The following KLHL4 variants were observed in gnomAD, a reference collection of about 807,000 sequenced individuals.
The protein encoded by KLHL4 is kelch like family member 4, also known as kelch-like protein 4.
A neutral mutation model predicts 45.8 loss-of-function variants in KLHL4; 17 were observed. The ratio of observed to expected loss-of-function variants is 0.37; its 90% CI spans 0.25 to 0.56. The LOEUF is 0.56. Ranked by LOEUF, KLHL4 falls within the 20% of genes least tolerant of loss-of-function variation. The probability of loss-of-function intolerance (pLI) is 0.79; values close to 1 mark genes in which losing one functional copy is unlikely to be tolerated. For missense variants in KLHL4, 544 were observed against 544.9 expected (o/e 1.00, Z 0.02); for synonymous variants, 224 against 189.9 (o/e 1.18, Z -1.47).
chrX:87,641,639 G>T (rs190955556), intron 9 of KLHL4, among the ~76,000 whole-genome samples: 32 of 111,408 alleles, frequency 2.9e-4, no homozygotes, highest in African/African-American at 1.0e-3. Context: ...CAGGTATCCT[G>T]GGGCAAGTTT....
At chrX:87,575,010 G>A (rs1380485501) in intron 1 of KLHL4, among the ~76,000 whole-genome samples, 3 of 112,071 alleles carry the variant, frequency 2.7e-5, no homozygotes, top group East Asian at 5.6e-4. Flanking sequence ...TAAAACATTT[G>A]AAATAGAAGA....
chrX:87,661,920 G>A (rs1020717632), intron 9 of KLHL4, among the ~76,000 whole-genome samples: 2 of 111,209 alleles, frequency 1.8e-5, no homozygotes, highest in African/African-American at 6.5e-5. Flanking sequence ...CATCAGTTTC[G>A]TCATGTGTAA....
intron 9 of KLHL4, among the ~76,000 whole-genome samples, chrX:87,647,131 A>G (rs750113403): frequency 8.9e-6 from 1 of 112,211 alleles, no homozygotes; most frequent in Admixed American, 9.5e-5. Flanking sequence ...AACATATTTT[A>G]AAAATGTTCA....
intron 1 of KLHL4, among the ~76,000 whole-genome samples, chrX:87,553,875 C>A (rs967395577): frequency 2.7e-5 from 3 of 109,531 alleles, no homozygotes; most frequent in African/African-American, 6.6e-5. Context: ...AGTCTTTAAT[C>A]CATCTTGAAT....
chrX:87,668,164 C>A lies in KLHL4; in HGVS notation c.*1630C>A. On this transcript the variant is annotated 3_prime_UTR_variant, in exon 11 of 11. Coordinates refer to ENST00000373119, the MANE Select transcript of KLHL4 (RefSeq NM_019117.5). ...AAACACACATACAGCCCTGTTAGGT[C>A]TTTTGAATTCACACCTTATTGAAAT... The A allele has an allele frequency of 1.3e-6, 1 of 748,622 alleles. No homozygotes were observed. The highest frequency in any genetic ancestry group is 1.6e-6 in the Non-Finnish European group (1 of 634,194). The allele number at this position is 748,622 out of a possible 1,213,427, so 61.7% of individuals were successfully genotyped here.
intron 1 of KLHL4, among the ~76,000 whole-genome samples, chrX:87,594,882 G>C (rs1385073000): frequency 9.0e-6 from 1 of 111,207 alleles, no homozygotes; most frequent in Non-Finnish European, 1.9e-5. Context: ...AGTTTTCTAG[G>C]AATATCTGGG....
chrX:87,548,777 A>G (rs973036374), intron 1 of KLHL4, among the ~76,000 whole-genome samples: 1 of 109,421 alleles, frequency 9.1e-6, no homozygotes, highest in Non-Finnish European at 1.9e-5. Context: ...TGGATTCATA[A>G]AAAAACCAAG....
intron 1 of KLHL4, among the ~76,000 whole-genome samples, chrX:87,588,502 G>C (rs1426108989): frequency 9.0e-6 from 1 of 111,117 alleles, no homozygotes; most frequent in East Asian, 2.8e-4. Context: ...CACACCTACA[G>C]TGAACTCATT....
chrX:87,599,284 A>C (rs1921934541), intron 1 of KLHL4, among the ~76,000 whole-genome samples: 1 of 110,952 alleles, frequency 9.0e-6, no homozygotes, highest in Non-Finnish European at 1.9e-5. Context: ...GCCAGACTGC[A>C]AGCTGATATG....
intron 9 of KLHL4, among the ~76,000 whole-genome samples, chrX:87,637,037 C>G (rs1306338434): frequency 1.8e-5 from 2 of 111,456 alleles, no homozygotes; most frequent in Non-Finnish European, 3.8e-5. Flanking sequence ...GGAGGCCAAC[C>G]AACACAAAAC....
chrX:87,650,337 A>G (rs868057487), intron 9 of KLHL4, among the ~76,000 whole-genome samples: 3 of 111,749 alleles, frequency 2.7e-5, no homozygotes, highest in South Asian at 7.5e-4. Context: ...GACTCAAGCA[A>G]TCTGACCACC....
At chrX:87,535,445 C>T (rs1471520384) in intron 1 of KLHL4, among the ~76,000 whole-genome samples, 1 of 111,951 alleles carries the variant, frequency 8.9e-6, no homozygotes, top group Non-Finnish European at 1.9e-5. Context: ...CTATAACTAC[C>T]GTACCAAATT....
chrX:87,520,787 G>A (rs1602395863), intron 1 of KLHL4, among the ~76,000 whole-genome samples: 1 of 111,542 alleles, frequency 9.0e-6, no homozygotes, highest in Non-Finnish European at 1.9e-5. Context: ...TTCAACCATA[G>A]CATTCCAACA....
intron 1 of KLHL4, among the ~76,000 whole-genome samples, chrX:87,526,231 T>G (rs2147762264): frequency 8.9e-6 from 1 of 112,468 alleles, no homozygotes; most frequent in South Asian, 3.7e-4. Context: ...CACAGCTACT[T>G]AATTTAGTCT....
chrX:87,551,587 G>GTAGATAGATAGATAGA (rs780160650), intron 1 of KLHL4, among the ~76,000 whole-genome samples: 28 of 107,484 alleles, frequency 2.6e-4, no homozygotes, highest in African/African-American at 9.2e-4. Flanking sequence ...AAATAGATAG[G>GTAGATAGATAGATAGA]TAGATAGATA....
At position 87,623,288 on chromosome X, in the gene KLHL4, C is replaced by CTTTTTT. The variant is rs67869297; in HGVS notation, c.1137+884_1137+889dup. ...ATCTGTTGATGATTTTTCCTTTTTTCTTTTTTTTTTTTTTTTTTTTTTTTG... is the reference window on the plus strand; with the variant it reads ...ATCTGTTGATGATTTTTCCTTTTTTCTTTTTTTTTTTTTTTTTTTTTTTTTTTTTTG... On this transcript the variant is annotated intron_variant, in intron 5 of 10. Coordinates refer to ENST00000373119, the MANE Select transcript of KLHL4 (RefSeq NM_019117.5). 5.6e-3 allele frequency among the ~76,000 whole-genome samples: 279 copies of CTTTTTT among 50,137 alleles called. 6 individuals are homozygous for CTTTTTT. Among genetic ancestry groups the CTTTTTT allele is most frequent in the Middle Eastern group, 0.023 (1 of 43 alleles). 43.5% of individuals were successfully genotyped at this position (50,137 alleles called of 115,157 possible). A position where few individuals can be genotyped will look rare whatever the true frequency, so the allele number is the denominator to read the frequency against.
rs1258089428 is a variant in KLHL4 at position 87,618,043 on chromosome X, A to G, written c.839A>G (p.His280Arg). The G allele has an allele frequency of 1.7e-6, 2 of 1,209,543 alleles. No homozygotes were observed. Among genetic ancestry groups the G allele is most frequent in the Non-Finnish European group, 2.2e-6 (2 of 894,895 alleles). ...VCSNFLIKQL[H>R]PSNCLGIRSF... The stretch of plus-strand genomic sequence containing the variant: ...TCCAATTTTCTCATAAAGCAGCTCC[A>G]TCCTTCAAACTGCTTAGGGATTCGA... Residue 280 changes from histidine to arginine, a missense_variant, in exon 4 of 11, where the codon CAT becomes CGT. Physicochemically the swap from His to Arg is conservative, Grantham distance 29. Coordinates refer to ENST00000373119, the MANE Select transcript of KLHL4 (RefSeq NM_019117.5).
At chrX:87,544,350 C>G (rs966358229) in intron 1 of KLHL4, among the ~76,000 whole-genome samples, 2 of 111,649 alleles carry the variant, frequency 1.8e-5, no homozygotes, top group African/African-American at 6.5e-5. Context: ...ACAGTAGTCC[C>G]TGTCAACCAG....
chrX:87,593,380 A>AT (rs1311232241), intron 1 of KLHL4, among the ~76,000 whole-genome samples: 7 of 110,317 alleles, frequency 6.3e-5, no homozygotes, highest in African/African-American at 2.3e-4. Flanking sequence ...TTTTTTCATT[A>AT]TTTTTTACTT....
Sources: allele counts gnomAD v4.1 joint callset (sites outside exome capture counted in the v4.1 genomes callset), GRCh38; gene constraint gnomAD v4.1.1; transcripts MANE v1.5; gene names NCBI Gene and HGNC (gene_info 2026-07-23, HGNC 2026-07-21).